Variants in TIPIN observed in about 807,000 individuals in gnomAD.
TIPIN encodes TIMELESS-interacting protein.
In TIPIN, 29 loss-of-function variants were observed where a neutral mutation model predicts 35.6. The ratio of observed to expected loss-of-function variants is 0.82; its 90% CI spans 0.61 to 1.11. The LOEUF is 1.11. Ranked by LOEUF, TIPIN falls within the 50% of genes most tolerant of loss-of-function variation. TIPIN has a pLI of 0.00. For synonymous variants in TIPIN, 102 were observed against 121.5 expected (o/e 0.84, Z 1.06); for missense variants, 296 against 345.4 (o/e 0.86, Z 1.13).
upstream of TIPIN, among the ~76,000 whole-genome samples, chr15:66,358,979 G>A (rs564008050): frequency 1.6e-4 from 24 of 151,730 alleles, 1 homozygote; most frequent in Middle Eastern, 3.4e-3. Context: ...AGGAGGCAGA[G>A]ATTGCAGTGA....
At chr15:66,356,457 G>A (rs906631029) in intron 1 of TIPIN, among the ~76,000 whole-genome samples, 182 bp downstream of exon 1, 1 of 151,824 alleles carries the variant, frequency 6.6e-6, no homozygotes, top group Non-Finnish European at 1.5e-5. Context: ...CGGGACACGC[G>A]CCCACCTCCC....
At chr15:66,386,062 C>A (rs1249903282) in intron 1 of TIPIN, among the ~76,000 whole-genome samples, 1 of 152,234 alleles carries the variant, frequency 6.6e-6, no homozygotes, top group Non-Finnish European at 1.5e-5. Context: ...AGCCACCGCT[C>A]CTGGCCCGAA....
intron 1 of TIPIN, among the ~76,000 whole-genome samples, chr15:66,373,522 A>T (rs8024529): frequency 0.11 from 15,983 of 151,868 alleles, 1,067 homozygotes; most frequent in Non-Finnish European, 0.15. Flanking sequence ...AAGAAAAAGA[A>T]ATAAAATATA....
intron 7 of TIPIN, among the ~76,000 whole-genome samples, chr15:66,337,756 A>G (rs2093054794): frequency 7.5e-6 from 1 of 133,492 alleles, no homozygotes; most frequent in Non-Finnish European, 1.6e-5. Flanking sequence ...ACCCCATGTC[A>G]ACAAAACATC....
chr15:66,380,611 T>TA (rs1407451672), intron 1 of TIPIN, among the ~76,000 whole-genome samples: 3 of 152,016 alleles, frequency 2.0e-5, no homozygotes, highest in African/African-American at 4.8e-5. Flanking sequence ...GGTCAGGAGT[T>TA]AGAGACCAGC....
At chr15:66,338,721 C>T (rs901643984) in intron 7 of TIPIN, among the ~76,000 whole-genome samples, 6 of 141,212 alleles carry the variant, frequency 4.2e-5, no homozygotes, top group African/African-American at 8.1e-5. Context: ...GGCTGAGGCA[C>T]GAGAATGGCA....
intron 1 of TIPIN, among the ~76,000 whole-genome samples, chr15:66,381,153 C>T (rs12912201): frequency 0.057 from 8,572 of 151,612 alleles, 347 homozygotes; most frequent in Middle Eastern, 0.11. Flanking sequence ...TATTCTCCTT[C>T]GGCCGGGCAC....
At chr15:66,370,500 G>A (rs2093273968) in intron 1 of TIPIN, among the ~76,000 whole-genome samples, 1 of 149,400 alleles carries the variant, frequency 6.7e-6, no homozygotes, top group Admixed American at 6.7e-5. Flanking sequence ...GCCAGCAGGG[G>A]CATGGGGCGG....
chr15:66,382,647 T>C (rs1566989352), intron 1 of TIPIN, among the ~76,000 whole-genome samples: 1 of 152,186 alleles, frequency 6.6e-6, no homozygotes, highest in Non-Finnish European at 1.5e-5. Flanking sequence ...AGTGCTGGGA[T>C]TACGGGAGTG....
At chr15:66,348,507 T>TAAAAAAAAAAAA (rs386383314) in intron 6 of TIPIN, 1 of 95,188 alleles carries the variant, frequency 1.1e-5, no homozygotes, top group Non-Finnish European at 2.1e-5. Flanking sequence ...CCATCTCTAC[T>TAAAAAAAAAAAA]AAAAAAAAAA....
At chr15:66,359,803 T>C (rs948315358), upstream of TIPIN, among the ~76,000 whole-genome samples, 17 of 152,172 alleles carry the variant, frequency 1.1e-4, no homozygotes, top group African/African-American at 2.7e-4. Flanking sequence ...TAAAAAAAGT[T>C]ATACACCTTC....
At chr15:66,351,189 A>C (rs1051531073) in intron 4 of TIPIN, among the ~76,000 whole-genome samples, 1 of 152,202 alleles carries the variant, frequency 6.6e-6, no homozygotes, top group Admixed American at 6.6e-5. Context: ...TAAGTGACTG[A>C]TACAGGCAGA....
At chr15:66,361,593 G>C (rs1191455765), upstream of TIPIN, among the ~76,000 whole-genome samples, 1 of 148,660 alleles carries the variant, frequency 6.7e-6, no homozygotes, top group East Asian at 2.0e-4. Context: ...CAAAAAGCAA[G>C]AACCTATTGT....
chr15:66,353,615 C>CA (rs761338015), intron 1 of TIPIN, among the ~76,000 whole-genome samples: 9,590 of 99,788 alleles, frequency 0.096, 1,092 homozygotes, highest in African/African-American at 0.3. Flanking sequence ...CACTCTGTCT[C>CA]AAAAAAAAAA....
rs1157805965 is a variant in TIPIN, at chr15:66,352,950, T to C, written c.-3A>G. ...CCATTCTCCTGTGGTTCTAGCATCT[T>C]TTCCTCTAGGGGAAAAAATTAAAGT... On this transcript the variant is annotated 5_prime_UTR_variant, in exon 2 of 8. Coordinates refer to ENST00000261881, the MANE Select transcript of TIPIN (RefSeq NM_017858.3). 1 of 1,611,614 alleles carries C rather than the reference T, an allele frequency of 6.2e-7. No homozygotes were observed. Among genetic ancestry groups the C allele is most frequent in the Admixed American group, 1.7e-5 (1 of 59,366 alleles).
At chr15:66,342,313 C>A (rs1250945330) in intron 6 of TIPIN, among the ~76,000 whole-genome samples, 1 of 151,834 alleles carries the variant, frequency 6.6e-6, no homozygotes, top group African/African-American at 2.4e-5. Flanking sequence ...ATTAAACCAA[C>A]ACATTTCAAT....
intron 1 of TIPIN, among the ~76,000 whole-genome samples, chr15:66,364,757 A>C (rs1483216619): frequency 2.6e-5 from 4 of 151,942 alleles, no homozygotes; most frequent in Non-Finnish European, 4.4e-5. Context: ...ACCTGAGGCC[A>C]GGAGTTCGAG....
chr15:66,360,721 C>T (rs1238470250), upstream of TIPIN, among the ~76,000 whole-genome samples: 1 of 152,126 alleles, frequency 6.6e-6, no homozygotes, highest in African/African-American at 2.4e-5. Flanking sequence ...AATCCCAGCA[C>T]TTTGGGAGCC....
At chr15:66,382,060 C>G (rs1294013934) in intron 1 of TIPIN, among the ~76,000 whole-genome samples, 4 of 41,952 alleles carry the variant, frequency 9.5e-5, no homozygotes, top group African/African-American at 1.7e-4. Flanking sequence ...GAAACTCTGT[C>G]TCAAAAAAAA....
Sources: allele counts gnomAD v4.1 joint callset (sites outside exome capture counted in the v4.1 genomes callset), GRCh38; gene constraint gnomAD v4.1.1; transcripts MANE v1.5; gene names NCBI Gene and HGNC (gene_info 2026-07-23, HGNC 2026-07-21).